Variants in GNPTAB observed in about 807,000 individuals in gnomAD.
The protein encoded by GNPTAB is N-acetylglucosamine-1-phosphate transferase subunits alpha and beta.
GNPTAB carries 92 observed loss-of-function variants against 136.6 expected under a neutral mutation model. That is an observed-to-expected ratio of 0.67 (90% CI 0.57 to 0.80). The LOEUF (loss-of-function observed/expected upper bound fraction) is 0.80, where lower values mean the gene tolerates loss of function less well. GNPTAB is among the 30% of genes least tolerant of loss of function. The pLI is 0.00. For missense variants in GNPTAB, 1,343 were observed against 1,501.8 expected (o/e 0.89, Z 1.75); for synonymous variants, 512 against 535.1 (o/e 0.96, Z 0.60).
chr12:101,761,042 G>T, intron 15 of GNPTAB, 85 bp downstream of exon 15: 1 of 988,666 alleles, frequency 1.0e-6, no homozygotes, highest in Middle Eastern at 2.3e-4. Context: ...AAAGTGCTGG[G>T]ATTACAGGTG....
At chr12:101,809,881 CAAAG>C (rs1870127457) in intron 1 of GNPTAB, among the ~76,000 whole-genome samples, 1 of 152,128 alleles carries the variant, frequency 6.6e-6, no homozygotes, top group Admixed American at 6.5e-5. Flanking sequence ...CTGTATAAAA[CAAAG>C]AATGAATCCT....
chr12:101,791,486 CA>C (rs60094287), intron 2 of GNPTAB, among the ~76,000 whole-genome samples: 337 of 132,340 alleles, frequency 2.5e-3, no homozygotes, highest in Middle Eastern at 3.9e-3. Context: ...ATAAACCACG[CA>C]AAAAAAAAAA....
chr12:101,769,273 C>A (rs186111302), intron 10 of GNPTAB, among the ~76,000 whole-genome samples: 1 of 152,182 alleles, frequency 6.6e-6, no homozygotes, highest in African/African-American at 2.4e-5. Context: ...GTACTCTTAA[C>A]CACTTCTCCA....
At chr12:101,767,788 A>C in intron 11 of GNPTAB, 1 of 610,616 alleles carries the variant, frequency 1.6e-6, no homozygotes, top group Non-Finnish European at 2.9e-6. Flanking sequence ...ACACTTGGCT[A>C]ATTTTTTTTG....
chr12:101,830,012 AAAAAAAAAAAG>A (rs1871284085), intron 1 of GNPTAB, among the ~76,000 whole-genome samples: 1 of 150,774 alleles, frequency 6.6e-6, no homozygotes, highest in East Asian at 1.9e-4. Flanking sequence ...ACCAAAAAAA[AAAAAAAAAAAG>A]AAAAAGAAAA....
chr12:101,794,596 A>T (rs750716632), intron 2 of GNPTAB, among the ~76,000 whole-genome samples: 11 of 152,236 alleles, frequency 7.2e-5, no homozygotes, highest in Non-Finnish European at 1.5e-4. Flanking sequence ...GAAATGTTAT[A>T]TATGATCCAT....
In GNPTAB at chr12:101,753,441, AT is replaced by A; in HGVS notation, c.3532del (p.Ile1178TyrfsTer31). Reference sequence around the variant, plus strand: ...TCTTGGCAGTTCAAATTGGGAAGGTATGGGGAACATGGATTCATAGAAGTCC... The same window carrying A: ...TCTTGGCAGTTCAAATTGGGAAGGTAGGGGAACATGGATTCATAGAAGTCC... ...LRDFYESMFPIPSQFELPREY... is the reference protein window; with the variant it reads ...LRDFYESMFPXPSQFELPREY... On this transcript the variant is annotated frameshift_variant, in exon 19 of 21. Coordinates refer to ENST00000299314, the MANE Select transcript of GNPTAB (RefSeq NM_024312.5). LOFTEE classifies it high-confidence loss of function. The A allele has an allele frequency of 2.5e-6, 4 of 1,613,642 alleles. No individual in the cohort carries two copies. The highest frequency in any genetic ancestry group is 3.4e-6 in the Non-Finnish European group (4 of 1,179,568).
chr12:101,780,957 A>T (rs1174679978), intron 5 of GNPTAB, among the ~76,000 whole-genome samples: 1 of 152,214 alleles, frequency 6.6e-6, no homozygotes, highest in East Asian at 1.9e-4. Flanking sequence ...AAAAAGAAAG[A>T]ATTGTTTGAC....
At chr12:101,823,940 C>T (rs1407166914) in intron 1 of GNPTAB, among the ~76,000 whole-genome samples, 1 of 152,182 alleles carries the variant, frequency 6.6e-6, no homozygotes, top group Non-Finnish European at 1.5e-5. Context: ...GACACAATGT[C>T]ACCAGTAAAG....
intron 16 of GNPTAB, 22 bp downstream of exon 16, chr12:101,760,008 A>T (rs759050217): frequency 1.5e-6 from 2 of 1,340,976 alleles, no homozygotes; most frequent in Non-Finnish European, 2.1e-6. Context: ...TGTTGTACAT[A>T]AAAGTAACCC....
chr12:101,753,061 T>C (rs1025666078), intron 19 of GNPTAB, among the ~76,000 whole-genome samples: 1 of 152,102 alleles, frequency 6.6e-6, no homozygotes, highest in Non-Finnish European at 1.5e-5. Flanking sequence ...TAGACCAGCC[T>C]GGCTAACATG....
intron 7 of GNPTAB, 87 bp from the exon 8 acceptor site, chr12:101,771,244 T>G: frequency 9.0e-7 from 1 of 1,105,104 alleles, no homozygotes; most frequent in Non-Finnish European, 1.3e-6. Context: ...CTTTAATCTT[T>G]CCTTTTTTTT....
At chr12:101,825,589 C>T (rs1871046926) in intron 1 of GNPTAB, among the ~76,000 whole-genome samples, 1 of 152,154 alleles carries the variant, frequency 6.6e-6, no homozygotes, top group Non-Finnish European at 1.5e-5. Flanking sequence ...GACAAGGTCC[C>T]TACTTTGATA....
At chr12:101,830,431 C>T in intron 1 of GNPTAB, 128 bp downstream of exon 1, 2 of 658,632 alleles carry the variant, frequency 3.0e-6, no homozygotes, top group Non-Finnish European at 5.6e-6. Context: ...TCGAGACCAG[C>T]CTGGGCAACA....
intron 1 of GNPTAB, among the ~76,000 whole-genome samples, chr12:101,798,981 G>C (rs939858290): frequency 1.3e-5 from 2 of 152,116 alleles, no homozygotes; most frequent in African/African-American, 2.4e-5. Flanking sequence ...ACGTACCATA[G>C]ATTGAGGTCT....
chr12:101,816,454 A>T (rs1018777931), intron 1 of GNPTAB, among the ~76,000 whole-genome samples: 2 of 152,216 alleles, frequency 1.3e-5, no homozygotes, highest in African/African-American at 2.4e-5. Flanking sequence ...AAAATGCTCA[A>T]CATTACAAGT....
intron 5 of GNPTAB, 192 bp downstream of exon 5, chr12:101,785,820 G>A: frequency 1.7e-6 from 1 of 588,538 alleles, no homozygotes; most frequent in South Asian, 2.0e-5. Context: ...ATTACACAGA[G>A]TAAAATATAT....
At chr12:101,779,840 A>ACC in intron 7 of GNPTAB, 1 of 395,276 alleles carries the variant, frequency 2.5e-6, no homozygotes, top group Non-Finnish European at 4.8e-6. Flanking sequence ...CCCTGAACGC[A>ACC]CCCGATCTTG....
chr12:101,819,264 G>A (rs1221116756), intron 1 of GNPTAB, among the ~76,000 whole-genome samples: 5 of 151,868 alleles, frequency 3.3e-5, no homozygotes, highest in East Asian at 1.9e-4. Flanking sequence ...CACCTGCCCC[G>A]GCCTCCCAAA....
Sources: gnomAD v4.1 joint callset for allele counts (sites outside exome capture counted in the v4.1 genomes callset) on GRCh38, gnomAD v4.1.1 for gene constraint, MANE v1.5 for transcripts, NCBI Gene and HGNC (gene_info 2026-07-23, HGNC 2026-07-21) for gene names.